Variants in ST3GAL3 observed in about 807,000 individuals in gnomAD.
ST3GAL3 encodes the protein CMP-N-acetylneuraminate-beta-1,4-galactoside alpha-2,3-sialyltransferase.
In ST3GAL3, 21 loss-of-function variants were observed where a neutral mutation model predicts 50.1. That is an observed-to-expected ratio of 0.42 (90% CI 0.30 to 0.60). The LOEUF is 0.60. Among genes scored for constraint, ST3GAL3 ranks in the 20% least tolerant of loss-of-function variants. The pLI is 0.19. For missense variants in ST3GAL3, 353 were observed against 489.4 expected, an observed-to-expected ratio of 0.72 and a Z score of 2.63; for synonymous variants, 183 against 190.0, an observed-to-expected ratio of 0.96 and a Z score of 0.30.
intron 9 of ST3GAL3, chr1:43,914,294 C>G (rs1162086705): frequency 6.6e-6 from 1 of 152,096 alleles, no homozygotes; most frequent in African/African-American, 2.4e-5. Context: ...TGTACCCTGA[C>G]GAGTCCCCTC....
chr1:43,726,651 G>A (rs867100716), intron 1 of ST3GAL3, among the ~76,000 whole-genome samples: 3 of 152,174 alleles, frequency 2.0e-5, no homozygotes, highest in Non-Finnish European at 4.4e-5. Context: ...CTGGAGTGCA[G>A]TGGCACGATC....
At chr1:43,905,332 C>T (rs1287116845) in intron 9 of ST3GAL3, among the ~76,000 whole-genome samples, 7 of 128,654 alleles carry the variant, frequency 5.4e-5, no homozygotes, top group African/African-American at 1.5e-4. Flanking sequence ...TCCTCCTGTT[C>T]CCCTTCCCAC....
At chr1:43,748,237 A>G (rs1684626870) in intron 2 of ST3GAL3, among the ~76,000 whole-genome samples, 2 of 152,142 alleles carry the variant, frequency 1.3e-5, no homozygotes, top group African/African-American at 4.8e-5. Flanking sequence ...CATTATTTGC[A>G]ATAGCATCAA....
At chr1:43,754,788 C>A (rs900721168) in intron 2 of ST3GAL3, among the ~76,000 whole-genome samples, 1 of 151,986 alleles carries the variant, frequency 6.6e-6, no homozygotes, top group Non-Finnish European at 1.5e-5. Context: ...CACCTCTACA[C>A]AAAATTACAA....
chr1:43,904,610 C>T (rs897166590), intron 9 of ST3GAL3, among the ~76,000 whole-genome samples: 1 of 151,920 alleles, frequency 6.6e-6, no homozygotes, highest in African/African-American at 2.4e-5. Context: ...GCTCCTCTTC[C>T]TCACTGTCTT....
At chr1:43,757,148 G>T (rs1189438589) in intron 2 of ST3GAL3, among the ~76,000 whole-genome samples, 1 of 151,962 alleles carries the variant, frequency 6.6e-6, no homozygotes, top group Non-Finnish European at 1.5e-5. Context: ...CAAGTAATCC[G>T]CCTACCTCAG....
At chr1:43,717,721 T>A (rs1234302378) in intron 1 of ST3GAL3, among the ~76,000 whole-genome samples, 2 of 152,032 alleles carry the variant, frequency 1.3e-5, no homozygotes, top group Admixed American at 1.3e-4. Context: ...TTGCCCAGGC[T>A]GGTCTCAAAC....
At chr1:43,718,047 A>G (rs1668288034) in intron 1 of ST3GAL3, among the ~76,000 whole-genome samples, 2 of 146,062 alleles carry the variant, frequency 1.4e-5, no homozygotes, top group South Asian at 2.2e-4. Flanking sequence ...TAATTTTTGT[A>G]TTTTTAGTAG....
chr1:43,848,673 CTTGT>C (rs1337822090), intron 5 of ST3GAL3, among the ~76,000 whole-genome samples: 3 of 152,012 alleles, frequency 2.0e-5, no homozygotes, highest in Admixed American at 1.3e-4. Context: ...TCATAGTTTT[CTTGT>C]TTGTTTGTTT....
At chr1:43,772,055 G>T (rs1481330439) in intron 2 of ST3GAL3, 1 of 391,652 alleles carries the variant, frequency 2.6e-6, no homozygotes, top group African/African-American at 2.2e-5. Flanking sequence ...TTTAGATGGA[G>T]TTTCACTCTT....
intron 2 of ST3GAL3, among the ~76,000 whole-genome samples, chr1:43,777,775 A>G (rs1488905464): frequency 6.6e-6 from 1 of 152,228 alleles, no homozygotes; most frequent in Non-Finnish European, 1.5e-5. Context: ...ATTAAACTAA[A>G]GAATTTTTGC....
At chr1:43,915,141 A>G (rs2081567956) in intron 9 of ST3GAL3, among the ~76,000 whole-genome samples, 1 of 152,180 alleles carries the variant, frequency 6.6e-6, no homozygotes, top group African/African-American at 2.4e-5. Flanking sequence ...CAGAGTTGGG[A>G]GCCATGAGGA....
rs1340747335 is a variant in ST3GAL3, at chr1:43,744,683, T to TAAATAAATAAATAAATA, written c.118+8310_118+8311insTAAATAAATAAAATAAA. Among the ~76,000 whole-genome samples, 92 of 143,128 alleles carry TAAATAAATAAATAAATA rather than the reference T, an allele frequency of 6.4e-4. 1 individual carries two copies. The highest frequency in any genetic ancestry group is 1.0e-3 in the Non-Finnish European group (69 of 66,908). 93.9% of individuals were successfully genotyped at this position (143,128 alleles called of 152,430 possible). On this transcript the variant is annotated intron_variant, in intron 2 of 11. Coordinates refer to ENST00000347631, the MANE Select transcript of ST3GAL3 (RefSeq NM_006279.5). ...ATAAATAAATAAATAAATAAATAAA[T>TAAATAAATAAATAAATA]AAATAAAATAAAATAAAAAATAAAA... is the stretch of plus-strand genomic sequence containing the variant.
chr1:43,923,863 C>T (rs750439037), intron 11 of ST3GAL3, among the ~76,000 whole-genome samples: 1 of 152,076 alleles, frequency 6.6e-6, no homozygotes, highest in Non-Finnish European at 1.5e-5. Flanking sequence ...GATCCTCCTG[C>T]CTTGGCCTCT....
intron 9 of ST3GAL3, among the ~76,000 whole-genome samples, chr1:43,905,565 TG>T: frequency 9.5e-6 from 1 of 104,950 alleles, no homozygotes; most frequent in East Asian, 2.7e-4. Context: ...TTCCTGCCAC[TG>T]TTTCTCCCCC....
intron 11 of ST3GAL3, among the ~76,000 whole-genome samples, chr1:43,929,284 C>T (rs1478752860): frequency 6.7e-6 from 1 of 149,886 alleles, no homozygotes; most frequent in Non-Finnish European, 1.5e-5. Context: ...ACAATTCTTT[C>T]AATTAAAAAA....
chr1:43,881,699 T>C (rs572165007), intron 5 of ST3GAL3, among the ~76,000 whole-genome samples: 29 of 152,052 alleles, frequency 1.9e-4, no homozygotes, highest in African/African-American at 6.7e-4. Context: ...ACACATGTCA[T>C]GCATGTGGCT....
chr1:43,718,839 C>T (rs922958338), intron 1 of ST3GAL3, among the ~76,000 whole-genome samples: 1 of 151,960 alleles, frequency 6.6e-6, no homozygotes, highest in African/African-American at 2.4e-5. Flanking sequence ...AGGGGCCCAC[C>T]ACCACGCTTG....
Position 43,930,790 on chromosome 1 carries a change from C to G in ST3GAL3, c.*569C>G, listed in dbSNP as rs1008521388. The stretch of plus-strand genomic sequence containing the variant: ...CAGCTCATGACACTGTTTGGCCTTT[C>G]TTGGGGAGAAGGCGGGGTATTCCCA... On this transcript the variant is annotated 3_prime_UTR_variant, in exon 12 of 12. Transcript: ENST00000347631. The G allele has an allele frequency of 5.1e-6, 1 of 194,616 alleles. No individual in the cohort carries two copies. Among genetic ancestry groups the G allele is most frequent in the African/African-American group, 2.3e-5 (1 of 42,976 alleles). 12.1% of individuals were successfully genotyped at this position (194,616 alleles called of 1,614,324 possible).
Sources: gnomAD v4.1 joint callset for allele counts (sites outside exome capture counted in the v4.1 genomes callset) on GRCh38, gnomAD v4.1.1 for gene constraint, MANE v1.5 for transcripts, NCBI Gene and HGNC (gene_info 2026-07-23, HGNC 2026-07-21) for gene names.